The following RAB38 variants were observed in gnomAD, a reference collection of about 807,000 sequenced individuals.
RAB38 encodes the protein ras-related protein Rab-38.
Under a neutral mutation model 18.4 loss-of-function variants are expected in RAB38, and 15 were observed. That is an observed-to-expected ratio of 0.82 (90% CI 0.55 to 1.26). RAB38 has a LOEUF of 1.26. Ranked by LOEUF, RAB38 falls within the 50% of genes most tolerant of loss-of-function variation. RAB38 has a pLI of 0.00. For missense variants in RAB38, 294 were observed against 267.4 expected, an observed-to-expected ratio of 1.10 and a Z score of -0.69; for synonymous variants, 101 against 104.4, an observed-to-expected ratio of 0.97 and a Z score of 0.20.
At chr11:88,004,532 C>T in the RAB38 span, among the ~76,000 whole-genome samples, 1 of 151,218 alleles carries the variant, frequency 6.6e-6, no homozygotes, top group Non-Finnish European at 1.5e-5. Flanking sequence ...TTATATCACT[C>T]TTAATGGTGA....
At chr11:87,936,148 A>C in the RAB38 span, among the ~76,000 whole-genome samples, 2 of 152,048 alleles carry the variant, frequency 1.3e-5, no homozygotes, top group Non-Finnish European at 1.5e-5. Flanking sequence ...ATATTCATGA[A>C]GTCCAAATTA....
the RAB38 span, among the ~76,000 whole-genome samples, chr11:87,907,035 C>A: frequency 2.0e-5 from 3 of 151,792 alleles, no homozygotes; most frequent in East Asian, 5.8e-4. Context: ...CATCTTTGTA[C>A]ATATATGTTT....
chr11:88,015,126 C>T, the RAB38 span, among the ~76,000 whole-genome samples: 1 of 151,570 alleles, frequency 6.6e-6, no homozygotes, highest in Non-Finnish European at 1.5e-5. Flanking sequence ...AATTTAATTG[C>T]CATTATTTTT....
At chr11:88,015,716 G>A in the RAB38 span, among the ~76,000 whole-genome samples, 1 of 152,082 alleles carries the variant, frequency 6.6e-6, no homozygotes, top group Non-Finnish European at 1.5e-5. Context: ...CATCCTAAAA[G>A]CTCCCTATCA....
At chr11:87,940,713 G>A in the RAB38 span, among the ~76,000 whole-genome samples, 1 of 151,974 alleles carries the variant, frequency 6.6e-6, no homozygotes, top group Non-Finnish European at 1.5e-5. Context: ...GTGAAATCTT[G>A]GCTCACTGAA....
the RAB38 span, among the ~76,000 whole-genome samples, chr11:87,893,372 A>ATATATATATATATATATG: frequency 9.8e-4 from 28 of 28,446 alleles, no homozygotes; most frequent in African/African-American, 2.0e-3. Context: ...TATATTTTAC[A>ATATATATATATATATATG]TATATATATA....
the RAB38 span, among the ~76,000 whole-genome samples, chr11:87,917,540 T>G: frequency 4.0e-5 from 6 of 151,126 alleles, no homozygotes; most frequent in East Asian, 9.8e-4. Context: ...TTTTTTTTTT[T>G]TTTTTTTTTT....
the RAB38 span, among the ~76,000 whole-genome samples, chr11:87,886,824 G>GTTTTTTTTTTTTT: frequency 1.4e-5 from 2 of 139,024 alleles, no homozygotes; most frequent in Non-Finnish European, 1.5e-5. Context: ...TGAAGCACTT[G>GTTTTTTTTTTTTT]TTTTTTTTTT....
chr11:88,074,758 G>T, the RAB38 span, among the ~76,000 whole-genome samples: 1 of 152,128 alleles, frequency 6.6e-6, no homozygotes, highest in Non-Finnish European at 1.5e-5. Flanking sequence ...AAAGGCACAG[G>T]ATAGCTGAAT....
At chr11:88,030,647 C>G in the RAB38 span, among the ~76,000 whole-genome samples, 1 of 152,144 alleles carries the variant, frequency 6.6e-6, no homozygotes, top group Non-Finnish European at 1.5e-5. Flanking sequence ...ATAAATTCCT[C>G]AACACATACA....
chr11:87,976,141 T>C, the RAB38 span, among the ~76,000 whole-genome samples: 1 of 148,862 alleles, frequency 6.7e-6, no homozygotes, highest in African/African-American at 2.4e-5. Flanking sequence ...TGTGTGTGTG[T>C]ATATATACAT....
chr11:87,911,225 G>A, the RAB38 span, among the ~76,000 whole-genome samples: 1 of 151,966 alleles, frequency 6.6e-6, no homozygotes, highest in Non-Finnish European at 1.5e-5. Flanking sequence ...ATATTCAAAT[G>A]TGTTTCTTCT....
chr11:88,053,726 C>T, the RAB38 span, among the ~76,000 whole-genome samples: 3 of 151,078 alleles, frequency 2.0e-5, no homozygotes, highest in East Asian at 5.8e-4. Context: ...TACGCAGTGA[C>T]TTGCCAAGGA....
the RAB38 span, among the ~76,000 whole-genome samples, chr11:87,806,071 C>T: frequency 3.9e-5 from 6 of 152,258 alleles, no homozygotes; most frequent in African/African-American, 1.2e-4. Flanking sequence ...CAGGTTGATA[C>T]ATAAAATTAG....
the RAB38 span, among the ~76,000 whole-genome samples, chr11:87,970,986 A>G: frequency 6.6e-6 from 1 of 152,086 alleles, no homozygotes; most frequent in South Asian, 2.1e-4. Flanking sequence ...AAAAACAAAG[A>G]GAGCACCTGA....
the RAB38 span, among the ~76,000 whole-genome samples, chr11:87,869,866 T>C: frequency 6.6e-6 from 1 of 151,716 alleles, no homozygotes; most frequent in East Asian, 1.9e-4. Context: ...AGGGTATGCC[T>C]GTTGCCAATC....
the RAB38 span, among the ~76,000 whole-genome samples, chr11:87,976,303 T>C: frequency 4.2e-5 from 6 of 141,966 alleles, no homozygotes; most frequent in African/African-American, 1.6e-4. Context: ...TACACACATA[T>C]ATATACACAT....
At chr11:88,008,657 G>A in the RAB38 span, among the ~76,000 whole-genome samples, 1 of 152,150 alleles carries the variant, frequency 6.6e-6, no homozygotes, top group Non-Finnish European at 1.5e-5. Context: ...AAATTGTCAA[G>A]GAATGATATA....
chr11:88,111,419 G>A (rs1030058047), downstream of RAB38, among the ~76,000 whole-genome samples: 11 of 152,036 alleles, frequency 7.2e-5, no homozygotes, highest in South Asian at 2.1e-4. Context: ...GGCCTGAGGA[G>A]CCAAAATTAA....
Sources: gnomAD v4.1 joint callset for allele counts (sites outside exome capture counted in the v4.1 genomes callset) on GRCh38, gnomAD v4.1.1 for gene constraint, MANE v1.5 for transcripts, NCBI Gene and HGNC (gene_info 2026-07-23, HGNC 2026-07-21) for gene names.